Variants in ZNF596 observed in about 807,000 individuals in gnomAD.
ZNF596 encodes the protein zinc finger protein 596.
Under a neutral mutation model 48.3 loss-of-function variants are expected in ZNF596, and 45 were observed. The ratio of observed to expected loss-of-function variants is 0.93; its 90% confidence interval spans 0.73 to 1.19. The LOEUF is 1.19. Ranked by LOEUF, ZNF596 falls within the 50% of genes most tolerant of loss-of-function variation. ZNF596 has a pLI of 0.00. For missense variants in ZNF596, 848 were observed against 599.7 expected (o/e 1.41, Z -4.32); for synonymous variants, 270 against 202.0 (o/e 1.34, Z -2.85).
chr8:238,628 C>CAAAAAAAAAAAAA, intron 1 of ZNF596, among the ~76,000 whole-genome samples: 1 of 39,860 alleles, frequency 2.5e-5, no homozygotes, highest in African/African-American at 6.0e-5. Context: ...TGGTGAAATA[C>CAAAAAAAAAAAAA]AAAAAAAAAA....
In ZNF596 at chr8:240,837, G is replaced by C. The variant is rs371356245; in HGVS notation, c.-59G>C. 1.1e-4 allele frequency: 176 copies of C among 1,609,000 alleles called. 1 individual carries two copies. In the African/African-American group the frequency reaches 2.2e-3, roughly 20 times the overall value. ...GTTTTTGCTCAGATTTGTCTTCTTA[G>C]TGCTTGGATGGTGTGAGTGAAAACC... On this transcript the variant is annotated 5_prime_UTR_variant, in exon 2 of 6. Transcript: ENST00000398612.
rs529474239 is a variant in ZNF596, at chr8:246,077, G to C, written c.1230G>C (p.Glu410Asp). Residue 410 changes from glutamate to aspartate, a missense_variant, in exon 6 of 6, where the codon GAG (glutamate) becomes GAC (aspartate). By Grantham distance (45) the Glu-to-Asp change is conservative (BLOSUM62 2). Transcript: ENST00000398612. ...AATCTTCTGACCTCAGACGACATGA[G>C]AGAACTCACACTGGAGAAAAACCAT... ...FTESSDLRRH[E>D]RTHTGEKPYE... 1.4e-5 allele frequency: 22 copies of C among 1,613,900 alleles called. No individual in the cohort carries two copies. In the East Asian group the frequency reaches 4.7e-4, roughly 34 times the overall value.
chr8:234,262 T>C (rs1181359768), intron 1 of ZNF596: 2 of 152,206 alleles, frequency 1.3e-5, no homozygotes, highest in Non-Finnish European at 2.9e-5. Flanking sequence ...CCAGTTGATA[T>C]ACCCACAGCT....
chr8:233,980 G>A (rs1391596780), intron 1 of ZNF596, among the ~76,000 whole-genome samples: 1 of 152,092 alleles, frequency 6.6e-6, no homozygotes, highest in Non-Finnish European at 1.5e-5. Context: ...CCTTTCCACC[G>A]GCCCCAAGAC....
At chr8:237,506 A>T (rs1025102475) in intron 1 of ZNF596, 1 of 152,160 alleles carries the variant, frequency 6.6e-6, no homozygotes, top group African/African-American at 2.4e-5. Context: ...TATTAATATC[A>T]TGAATGTAAT....
At chr8:243,162 C>G (rs975416291) in intron 3 of ZNF596, 149 bp downstream of exon 3, 2 of 597,838 alleles carry the variant, frequency 3.3e-6, no homozygotes, top group Non-Finnish European at 5.1e-6. Flanking sequence ...ATAACTCTCA[C>G]AATTACCTGA....
rs558108068 is a variant in ZNF596, at chr8:232,610, G to C, written c.-157G>C. On this transcript the variant is annotated 5_prime_UTR_variant, in exon 1 of 6. Transcript: ENST00000398612. ...AGCTGCCAGATCTGCGTCTGTGTCC[G>C]GTTCCGTCACTGAGGTCGCCCCTGT... 2 of 333,252 alleles carry C rather than the reference G, an allele frequency of 6.0e-6. No individual in the cohort carries two copies. Among genetic ancestry groups the C allele is most frequent in the East Asian group, 1.0e-4 (1 of 9,728 alleles). 20.6% of individuals were successfully genotyped at this position (333,252 alleles called of 1,614,324 possible). A position where few individuals can be genotyped will look rare whatever the true frequency, so the allele number is the denominator to read the frequency against.
intron 2 of ZNF596, 118 bp downstream of exon 2, chr8:241,025 G>C: frequency 1.6e-6 from 2 of 1,249,478 alleles, no homozygotes; most frequent in Non-Finnish European, 1.2e-6. Flanking sequence ...CTCCAATTAA[G>C]ATTCCCCAGG....
rs750832634 is a variant in ZNF596, at chr8:236,814, C to T, written c.-72-4010C>T. ...GTGGCCAAAATAAATAGCCAAATGG[C>T]TAAAATTGTATTGATGATTTTTGCA... On this transcript the variant is annotated intron_variant, in intron 1 of 5. Coordinates refer to ENST00000398612, the MANE Select transcript of ZNF596 (RefSeq NM_001042416.3). Among the ~76,000 whole-genome samples, 143 of 152,228 alleles carry T rather than the reference C, an allele frequency of 9.4e-4. 1 individual carries two copies. The highest frequency in any genetic ancestry group is 7.1e-4 in the Non-Finnish European group (48 of 68,012).
Position 242,898 on chromosome 8 carries a change from CT to C in ZNF596, c.26del (p.Phe9SerfsTer6). The C allele has an allele frequency of 6.4e-7, 1 of 1,571,376 alleles. No homozygotes were observed. The highest frequency in any genetic ancestry group is 1.2e-5 in the South Asian group (1 of 86,790). On this transcript the variant is annotated frameshift_variant, in exon 3 of 6. Coordinates refer to ENST00000398612, the MANE Select transcript of ZNF596 (RefSeq NM_001042416.3). LOFTEE classifies it high-confidence loss of function. MPSPDSMTFEDIIVDFTQE... is the reference protein window; with the variant it reads MPSPDSMTXEDIIVDFTQE... ...CCATAATGTTTTAGGATTCCATGAC[CT>C]TCGAGGATATCATTGTAGACTTCAC...
At chr8:236,173 T>C (rs1205045583) in intron 1 of ZNF596, among the ~76,000 whole-genome samples, 1 of 152,248 alleles carries the variant, frequency 6.6e-6, no homozygotes, top group African/African-American at 2.4e-5. Flanking sequence ...ATCGTAGTCA[T>C]AATATTTGCC....
rs1484423720 is a variant in ZNF596, at chr8:243,729, G to A, written c.147G>A (p.Gln49=). Reference sequence around the variant, plus strand: ...TCTTTTTCCCCAAAACAGGCAAACAGCTCTGCAAATCAGTTGTGCTTTCCC... The same window carrying A: ...TCTTTTTCCCCAAAACAGGCAAACAACTCTGCAAATCAGTTGTGCTTTCCC... ...NISHLVSIGK[Q]LCKSVVLSQL... The change falls in exon 4 of 6, where the codon CAG becomes CAA. Residue 49 remains glutamine (Q), a synonymous_variant. Transcript: ENST00000398612. 1.2e-6 allele frequency: 2 copies of A among 1,613,342 alleles called. No homozygotes were observed. Among genetic ancestry groups the A allele is most frequent in the African/African-American group, 1.3e-5 (1 of 74,886 alleles).
chr8:240,937 A>C (rs1243881038), intron 2 of ZNF596, 30 bp downstream of exon 2: 8 of 1,613,728 alleles, frequency 5.0e-6, no homozygotes, highest in Non-Finnish European at 6.8e-6. Flanking sequence ...TTCTACTGAA[A>C]TTTGTACCCC....
At position 246,075 on chromosome 8, in the gene ZNF596, G is replaced by C; in HGVS notation, c.1228G>C (p.Glu410Gln). The stretch of plus-strand genomic sequence containing the variant: ...TGAATCTTCTGACCTCAGACGACAT[G>C]AGAGAACTCACACTGGAGAAAAACC... ...FTESSDLRRH[E>Q]RTHTGEKPYE... Residue 410 changes from glutamate to glutamine, a missense_variant, in exon 6 of 6, where the codon GAG (glutamate) becomes CAG (glutamine). Transcript: ENST00000398612. The C allele has an allele frequency of 6.2e-7, 1 of 1,613,958 alleles. No homozygotes were observed. The highest frequency in any genetic ancestry group is 8.5e-7 in the Non-Finnish European group (1 of 1,179,858).
At chr8:237,478 A>C (rs903080063) in intron 1 of ZNF596, 2 of 152,188 alleles carry the variant, frequency 1.3e-5, no homozygotes, top group African/African-American at 4.8e-5. Context: ...GGTTCTGGCT[A>C]CTTACATTTA....
chr8:235,076 TAAAAA>T (rs1350917431), intron 1 of ZNF596, among the ~76,000 whole-genome samples: 1 of 152,164 alleles, frequency 6.6e-6, no homozygotes, highest in Non-Finnish European at 1.5e-5. Flanking sequence ...TGATTTGAAT[TAAAAA>T]GAAAAGTTTA....
rs3750097 is a variant in ZNF596, at chr8:247,042, C to T, written c.*680C>T. 42,135 of 151,874 alleles carry T rather than the reference C, an allele frequency of 0.28. 6,404 individuals carry two copies. Among genetic ancestry groups the T allele is most frequent in the East Asian group, 0.48 (2,460 of 5,138 alleles). The allele number at this position is 151,874 out of a possible 1,614,324, so 9.4% of individuals were successfully genotyped here. A position where few individuals can be genotyped will look rare whatever the true frequency, so the allele number is the denominator to read the frequency against. On this transcript the variant is annotated 3_prime_UTR_variant, in exon 6 of 6. Transcript: ENST00000398612. ...AAATTACTCATTCCTTAGTCAATAC[C>T]AGCATTTTTCCAGTGAGAAAACTAT...
chr8:242,067 AT>A (rs1159957427), intron 2 of ZNF596, among the ~76,000 whole-genome samples: 14 of 152,086 alleles, frequency 9.2e-5, no homozygotes, highest in African/African-American at 3.4e-4. Context: ...TCAAGATGAG[AT>A]TTGGGTGGGG....
intron 4 of ZNF596, chr8:244,291 T>G (rs1796969134): frequency 7.1e-6 from 2 of 283,164 alleles, no homozygotes; most frequent in African/African-American, 4.5e-5. Context: ...TCAATTTTTA[T>G]TCAAGTATCT....
Sources: gnomAD v4.1 joint callset for allele counts (sites outside exome capture counted in the v4.1 genomes callset) on GRCh38, gnomAD v4.1.1 for gene constraint, MANE v1.5 for transcripts, NCBI Gene and HGNC (gene_info 2026-07-23, HGNC 2026-07-21) for gene names.